The following GLRX5 variants were observed in gnomAD, a reference collection of about 807,000 sequenced individuals.
GLRX5 encodes glutaredoxin 5.
In GLRX5, 10 loss-of-function variants were observed where a neutral mutation model predicts 13.8. The observed-to-expected ratio is 0.72, with a 90% CI of 0.45 to 1.23. The LOEUF (loss-of-function observed/expected upper bound fraction) is 1.23, where lower values mean the gene tolerates loss of function less well. Ranked by LOEUF, GLRX5 falls within the 50% of genes most tolerant of loss-of-function variation. GLRX5 has a pLI of 0.00. For synonymous variants in GLRX5, 98 were observed against 101.1 expected (o/e 0.97, Z 0.18); for missense variants, 233 against 215.2 (o/e 1.08, Z -0.52).
chr14:95,535,066 G>A lies in GLRX5; in HGVS notation c.-24G>A, dbSNP rs1041903041. 4 of 1,333,354 alleles carry A rather than the reference G, an allele frequency of 3.0e-6. No individual in the cohort carries two copies. The highest frequency in any genetic ancestry group is 1.5e-5 in the South Asian group (1 of 67,358). 82.6% of individuals were successfully genotyped at this position (1,333,354 alleles called of 1,614,324 possible). A position where few individuals can be genotyped will look rare whatever the true frequency, so the allele number is the denominator to read the frequency against. On this transcript the variant is annotated 5_prime_UTR_variant, in exon 1 of 2. In the 5' UTR this introduces an upstream ATG that the reference lacks. Coordinates refer to ENST00000331334, the MANE Select transcript of GLRX5 (RefSeq NM_016417.3). The stretch of plus-strand genomic sequence containing the variant: ...TGGCCAGCTGTGGGCCCGGGCCGTC[G>A]TGGGCTCCGGCTTGCGTGCGGAGAT...
At chr14:95,539,897 ATTTT>A (rs35206535) in intron 1 of GLRX5, among the ~76,000 whole-genome samples, 39,096 of 146,086 alleles carry the variant, frequency 0.27, 5,357 homozygotes, top group Non-Finnish European at 0.3. Flanking sequence ...ATATATATAT[ATTTT>A]TTTTTTTTTG....
chr14:95,540,091 A>G (rs1246129737), intron 1 of GLRX5, among the ~76,000 whole-genome samples: 4 of 152,006 alleles, frequency 2.6e-5, no homozygotes, highest in Non-Finnish European at 5.9e-5. Flanking sequence ...GGGTTTCACC[A>G]TGTTGGCCAG....
At chr14:95,535,510 T>C in intron 1 of GLRX5, 126 bp downstream of exon 1, 2 of 947,600 alleles carry the variant, frequency 2.1e-6, no homozygotes, top group South Asian at 1.5e-5. Flanking sequence ...TGTCTGAAGG[T>C]TCGAGCCGGG....
intron 1 of GLRX5, 65 bp downstream of exon 1, chr14:95,535,449 G>T: frequency 6.9e-7 from 1 of 1,442,706 alleles, no homozygotes; most frequent in Admixed American, 2.0e-5. Context: ...GCACGAGGCC[G>T]AGGGGTTCCG....
intron 1 of GLRX5, among the ~76,000 whole-genome samples, chr14:95,539,194 C>G (rs1891431629): frequency 6.6e-6 from 1 of 152,232 alleles, no homozygotes; most frequent in African/African-American, 2.4e-5. Flanking sequence ...GCTATCCCCA[C>G]CCTTCCCTGG....
intron 1 of GLRX5, among the ~76,000 whole-genome samples, chr14:95,541,745 A>T (rs1047369124): frequency 6.6e-5 from 10 of 152,254 alleles, no homozygotes; most frequent in African/African-American, 2.4e-4. Context: ...ATTGAGTGTG[A>T]TACTATAAAA....
chr14:95,535,800 G>A (rs1891365548), intron 1 of GLRX5, among the ~76,000 whole-genome samples: 1 of 152,164 alleles, frequency 6.6e-6, no homozygotes, highest in South Asian at 2.1e-4. Context: ...GACACTTTGG[G>A]GAGGTTGGAA....
chr14:95,541,791 G>A (rs1183454131), intron 1 of GLRX5, among the ~76,000 whole-genome samples: 1 of 152,196 alleles, frequency 6.6e-6, no homozygotes, highest in African/African-American at 2.4e-5. Flanking sequence ...TTAAAAACAT[G>A]TATTTTTTGG....
intron 1 of GLRX5, among the ~76,000 whole-genome samples, chr14:95,541,064 C>A (rs949576613): frequency 8.5e-5 from 13 of 152,068 alleles, no homozygotes; most frequent in Admixed American, 1.3e-4. Flanking sequence ...GCATTTTCTG[C>A]CCCAGATGGA....
rs1891525261 is a variant in GLRX5, at chr14:95,544,362, C to G, written c.*237C>G. ...GATTCAATGCTGTATTATGATATTGCTGTAAACAAAATTCATTCTTATATT... is the reference window on the plus strand; with the variant it reads ...GATTCAATGCTGTATTATGATATTGGTGTAAACAAAATTCATTCTTATATT... On this transcript the variant is annotated 3_prime_UTR_variant, in exon 2 of 2. Transcript: ENST00000331334. 3 of 547,368 alleles carry G rather than the reference C, an allele frequency of 5.5e-6. No individual in the cohort carries two copies. The South Asian group carries it at 6.8e-5, about 12-fold the overall frequency. The allele number at this position is 547,368 out of a possible 1,614,324, so 33.9% of individuals were successfully genotyped here.
chr14:95,535,503 C>A, intron 1 of GLRX5, 119 bp downstream of exon 1: 1 of 1,015,810 alleles, frequency 9.8e-7, no homozygotes, highest in South Asian at 1.5e-5. Context: ...CGGGGTCTGT[C>A]TGAAGGTTCG....
chr14:95,543,899 G>T, intron 1 of GLRX5, 48 bp from the exon 2 acceptor site: 1 of 1,517,556 alleles, frequency 6.6e-7, no homozygotes, highest in African/African-American at 1.4e-5. Context: ...GTCATGAATG[G>T]TTCAGCTTTT....
chr14:95,539,723 T>G (rs1891440041), intron 1 of GLRX5, among the ~76,000 whole-genome samples: 2 of 152,202 alleles, frequency 1.3e-5, no homozygotes, highest in Admixed American at 1.3e-4. Context: ...ACTGTGAGTT[T>G]CGGTAAGTTA....
chr14:95,543,341 T>TA (rs3071412), intron 1 of GLRX5: 58,014 of 313,026 alleles, frequency 0.19, 5,283 homozygotes, highest in African/African-American at 0.43. Context: ...TGTTAAAAAT[T>TA]AAAAAAAAAA....
rs964398307 is a variant in GLRX5 at position 95,535,221 on chromosome 14, G to C, written c.132G>C (p.Gln44His). 9.7e-6 allele frequency: 15 copies of C among 1,550,262 alleles called. No individual in the cohort carries two copies. In the African/African-American group the frequency reaches 1.4e-4, roughly 14 times the overall value. The change falls in exon 1 of 2, where the codon CAG becomes CAC. Residue 44 changes from glutamine to histidine, a missense_variant. Gln to His is a conservative substitution (Grantham distance 24). Transcript: ENST00000331334. ...CGGGCGGCGGCGGCTCGGCGGAGCA[G>C]TTGGACGCGCTGGTGAAGAAGGACA... ...SGAGGGGSAE[Q>H]LDALVKKDKV...
intron 1 of GLRX5, chr14:95,543,570 A>T (rs989901181): frequency 1.6e-5 from 5 of 316,418 alleles, no homozygotes; most frequent in Non-Finnish European, 3.1e-5. Flanking sequence ...TATGTATCTT[A>T]TGTGACTTGC....
intron 1 of GLRX5, among the ~76,000 whole-genome samples, chr14:95,537,950 C>G (rs1291198747): frequency 2.6e-5 from 4 of 152,316 alleles, no homozygotes; most frequent in African/African-American, 9.6e-5. Context: ...TCCCAGTAGA[C>G]TGACATCATC....
chr14:95,543,423 G>A, intron 1 of GLRX5: 1 of 329,278 alleles, frequency 3.0e-6, no homozygotes. Context: ...TCACAGTCAT[G>A]AAAAGTGCAC....
chr14:95,541,158 T>G (rs1377303350), intron 1 of GLRX5, among the ~76,000 whole-genome samples: 1 of 152,212 alleles, frequency 6.6e-6, no homozygotes, highest in East Asian at 1.9e-4. Flanking sequence ...CAGGAGTAGC[T>G]CTCTGATTCT....
Sources: allele counts gnomAD v4.1 joint callset (sites outside exome capture counted in the v4.1 genomes callset), GRCh38; gene constraint gnomAD v4.1.1; transcripts MANE v1.5; gene names NCBI Gene and HGNC (gene_info 2026-07-23, HGNC 2026-07-21).